The following SSPN variants were observed in gnomAD, a reference collection of about 807,000 sequenced individuals.
SSPN encodes K-ras oncogene-associated protein.
A neutral mutation model predicts 19.1 loss-of-function variants in SSPN; 15 were observed. The observed-to-expected ratio is 0.78, with a 90% CI of 0.52 to 1.21. SSPN has a LOEUF of 1.21. Among genes scored for constraint, SSPN ranks in the 50% most tolerant of loss-of-function variants. The probability of loss-of-function intolerance (pLI) is 0.00; values close to 1 mark genes in which losing one functional copy is unlikely to be tolerated. For missense variants in SSPN, 291 were observed against 314.0 expected, an observed-to-expected ratio of 0.93 and a Z score of 0.55; for synonymous variants, 147 against 140.3, an observed-to-expected ratio of 1.05 and a Z score of -0.34.
intron 1 of SSPN, among the ~76,000 whole-genome samples, chr12:26,168,157 G>A (rs1944632248): frequency 6.7e-6 from 1 of 149,264 alleles, no homozygotes; most frequent in Non-Finnish European, 1.5e-5. Context: ...AGTCTGCAGT[G>A]AGCTGTGATC....
At chr12:26,211,204 T>C (rs1001282089) in intron 1 of SSPN, 1 of 152,202 alleles carries the variant, frequency 6.6e-6, no homozygotes, top group Non-Finnish European at 1.5e-5. Context: ...TTGGTTATGC[T>C]TATTTTGTCT....
chr12:26,122,336 G>A (rs1944316157), intron 1 of SSPN: 33 of 1,173,704 alleles, frequency 2.8e-5, no homozygotes, highest in Non-Finnish European at 3.4e-5. Flanking sequence ...CCGCCGGGGC[G>A]GGGATGCCGG....
At chr12:26,226,530 C>T (rs954425915) in intron 2 of SSPN, among the ~76,000 whole-genome samples, 1 of 152,098 alleles carries the variant, frequency 6.6e-6, no homozygotes, top group Non-Finnish European at 1.5e-5. Flanking sequence ...TGGGACAGCC[C>T]TCTGGGGGTT....
Position 26,233,695 on chromosome 12 carries a change from A to G in SSPN, c.*2619A>G, listed in dbSNP as rs1591902770. On this transcript the variant is annotated 3_prime_UTR_variant, in exon 3 of 3. Transcript: ENST00000242729. This position sits in a 1 kb window ranked among gnomAD's most constrained non-coding sequence, Gnocchi z 4.3. ...ATTTAAAATCTGACAAGGCGCCAAG[A>G]TGGTGACTGTCTCCTCTAAACCACG... 1 of 152,246 alleles carries G rather than the reference A, an allele frequency of 6.6e-6. No individual in the cohort carries two copies. The highest frequency in any genetic ancestry group is 1.5e-5 in the Non-Finnish European group (1 of 68,050). 9.4% of individuals were successfully genotyped at this position (152,246 alleles called of 1,614,324 possible).
In SSPN at chr12:26,195,854, T is replaced by C. The variant is rs1216877471; in HGVS notation, c.182T>C (p.Leu61Pro). Residue 61 changes from leucine to proline, a missense_variant, in exon 1 of 3, where the codon CTG (leucine) becomes CCG (proline). By Grantham distance (98) the Leu-to-Pro change is moderately conservative. Transcript: ENST00000242729. Reference sequence around the variant, plus strand: ...CCGCTGCTGCTCGCCCTGCTGCAGCTGGCCCTGGGCATCGCCGTGACCGTG... The same window carrying C: ...CCGCTGCTGCTCGCCCTGCTGCAGCCGGCCCTGGGCATCGCCGTGACCGTG... ...RFPLLLALLQ[L>P]ALGIAVTVVG... 3.2e-6 allele frequency: 5 copies of C among 1,556,562 alleles called. No individual in the cohort carries two copies. Among genetic ancestry groups the C allele is most frequent in the Non-Finnish European group, 4.3e-6 (5 of 1,155,640 alleles).
intron 1 of SSPN, among the ~76,000 whole-genome samples, chr12:26,210,275 G>A (rs904016218): frequency 5.9e-5 from 9 of 151,874 alleles, no homozygotes; most frequent in Admixed American, 2.0e-4. Context: ...TATGTAAGTC[G>A]AAAGATGAAG....
Position 26,232,735 on chromosome 12 carries a change from AC to A in SSPN, c.*1662del, listed in dbSNP as rs978250795. The A allele has an allele frequency of 2.2e-4, 212 of 983,902 alleles. No homozygotes were observed. Among genetic ancestry groups the A allele is most frequent in the Non-Finnish European group, 2.4e-4 (199 of 828,752 alleles). The allele number at this position is 983,902 out of a possible 1,614,324, so 60.9% of individuals were successfully genotyped here. A position where few individuals can be genotyped will look rare whatever the true frequency, so the allele number is the denominator to read the frequency against. On this transcript the variant is annotated 3_prime_UTR_variant, in exon 3 of 3. Transcript: ENST00000242729. ...ATCTTTTATGTCCTCTAGATAAAAC[AC>A]CCGATTAACAGATGTTAAACCTTTT...
rs1591839126 is a variant in SSPN at position 26,123,250 on chromosome 12, C to G, written c.-31+1098C>G. Reference sequence around the variant, plus strand: ...TACCCACGTTAAAACATCTGCTTATCACGTGGGCCCTGCATCGACTAAAGT... The same window carrying G: ...TACCCACGTTAAAACATCTGCTTATGACGTGGGCCCTGCATCGACTAAAGT... On this transcript the variant is annotated intron_variant, in intron 1 of 2. Coordinates refer to the SSPN transcript ENST00000538142. The G allele has an allele frequency of 2.7e-6, 4 of 1,462,968 alleles. No individual in the cohort carries two copies. In the East Asian group the frequency reaches 9.5e-5, roughly 35 times the overall value. 90.6% of individuals were successfully genotyped at this position (1,462,968 alleles called of 1,614,324 possible). A position where few individuals can be genotyped will look rare whatever the true frequency, so the allele number is the denominator to read the frequency against.
At chr12:26,156,590 T>G (rs900611015) in intron 1 of SSPN, among the ~76,000 whole-genome samples, 46 of 152,168 alleles carry the variant, frequency 3.0e-4, no homozygotes, top group African/African-American at 1.0e-3. Context: ...GGTCATCGCC[T>G]GGAATGTTCA....
chr12:26,221,734 A>C (rs934913821), intron 1 of SSPN, among the ~76,000 whole-genome samples: 1 of 152,218 alleles, frequency 6.6e-6, no homozygotes, highest in Admixed American at 6.5e-5. Flanking sequence ...TGCCAACTTC[A>C]GCTGGTAGTC....
At chr12:26,177,280 T>C (rs1036864364) in intron 1 of SSPN, among the ~76,000 whole-genome samples, 1 of 152,236 alleles carries the variant, frequency 6.6e-6, no homozygotes, top group East Asian at 1.9e-4. Context: ...AGAATTTCAC[T>C]TTTAAGTGTT....
At chr12:26,195,519 C>G, upstream of SSPN, 1 of 1,241,628 alleles carries the variant, frequency 8.1e-7, no homozygotes, top group Non-Finnish European at 1.0e-6. Flanking sequence ...TCCCCGTGGC[C>G]TTTGGAGGCT....
chr12:26,126,546 G>A (rs1298351657), intron 1 of SSPN: 1 of 140,550 alleles, frequency 7.1e-6, no homozygotes, highest in Non-Finnish European at 1.6e-5. Context: ...CCGGGCACGG[G>A]TTCCGGGGAC....
intron 1 of SSPN, among the ~76,000 whole-genome samples, chr12:26,138,878 C>T (rs573646695): frequency 1.2e-4 from 18 of 152,132 alleles, no homozygotes; most frequent in African/African-American, 4.3e-4. Context: ...AATGACATAA[C>T]TTATCAATAT....
upstream of SSPN, among the ~76,000 whole-genome samples, chr12:26,193,802 G>C (rs915597862): frequency 6.6e-6 from 1 of 152,204 alleles, no homozygotes. Context: ...TGTTTTCTAA[G>C]CAAATGTATT....
In SSPN at chr12:26,232,649, C is replaced by T; in HGVS notation, c.*1573C>T. The T allele has an allele frequency of 3.1e-5, 31 of 985,068 alleles. No homozygotes were observed. Among genetic ancestry groups the T allele is most frequent in the Non-Finnish European group, 3.6e-5 (30 of 829,706 alleles). The allele number at this position is 985,068 out of a possible 1,614,324, so 61.0% of individuals were successfully genotyped here. ...ATTGTGATAATGGTTTCAATTTCTACACAATATAAATATCCAGTATAAAGG... is the reference window on the plus strand; with the variant it reads ...ATTGTGATAATGGTTTCAATTTCTATACAATATAAATATCCAGTATAAAGG... On this transcript the variant is annotated 3_prime_UTR_variant, in exon 3 of 3. Transcript: ENST00000242729.
intron 1 of SSPN, among the ~76,000 whole-genome samples, chr12:26,156,353 G>A (rs950999321): frequency 2.0e-5 from 3 of 152,210 alleles, no homozygotes; most frequent in Non-Finnish European, 2.9e-5. Flanking sequence ...GAAGTGCTAA[G>A]CCTGGGTGTG....
chr12:26,130,207 T>C (rs1944389806), intron 1 of SSPN, among the ~76,000 whole-genome samples: 1 of 152,212 alleles, frequency 6.6e-6, no homozygotes, highest in Non-Finnish European at 1.5e-5. Flanking sequence ...TTAATGTCTG[T>C]GTTTCCTTTG....
At chr12:26,122,742 G>A (rs1430666158) in intron 1 of SSPN, 3 of 1,595,086 alleles carry the variant, frequency 1.9e-6, no homozygotes, top group African/African-American at 1.4e-5. Flanking sequence ...GCTCGCCCCC[G>A]CGCCTTTGCC....
Sources: allele counts gnomAD v4.1 joint callset (sites outside exome capture counted in the v4.1 genomes callset), GRCh38; gene constraint gnomAD v4.1.1; non-coding constraint Gnocchi (gnomAD v3.1); transcripts MANE v1.5; gene names NCBI Gene and HGNC (gene_info 2026-07-23, HGNC 2026-07-21).